The following NXN variants were observed in gnomAD, a reference collection of about 807,000 sequenced individuals.
NXN encodes the protein nucleoredoxin 1.
In NXN, 16 loss-of-function variants were observed where a neutral mutation model predicts 48.6. The observed-to-expected ratio is 0.33, with a 90% CI of 0.22 to 0.50. The LOEUF (loss-of-function observed/expected upper bound fraction) is 0.50, where lower values mean the gene tolerates loss of function less well. NXN is among the 20% of genes least tolerant of loss of function. NXN has a pLI of 0.98. For missense variants in NXN, 492 were observed against 605.5 expected, an observed-to-expected ratio of 0.81 and a Z score of 1.97; for synonymous variants, 281 against 269.6, an observed-to-expected ratio of 1.04 and a Z score of -0.41.
intron 1 of NXN, among the ~76,000 whole-genome samples, chr17:887,515 C>A (rs1442244950): frequency 6.6e-6 from 1 of 152,150 alleles, no homozygotes; most frequent in Non-Finnish European, 1.5e-5. Context: ...CAGGCCTTCA[C>A]TCCCTCCACT....
Position 868,650 on chromosome 17 carries a change from C to A in NXN, c.361-42572G>T, listed in dbSNP as rs371456950. 2.3e-3 allele frequency among the ~76,000 whole-genome samples: 352 copies of A among 152,250 alleles called. 2 individuals are homozygous for A. Among genetic ancestry groups the A allele is most frequent in the African/African-American group, 7.6e-3 (315 of 41,558 alleles). ...GGGACAACAGGCGCCCACCACCACG[C>A]CCGGATCATTTTTTTGTATTTTTAG... On this transcript the variant is annotated intron_variant, in intron 1 of 7. Transcript: ENST00000336868.
At chr17:852,065 C>T (rs1055735307) in intron 1 of NXN, among the ~76,000 whole-genome samples, 1 of 152,230 alleles carries the variant, frequency 6.6e-6, no homozygotes, top group Admixed American at 6.5e-5. Context: ...TCCCTCAGGT[C>T]CTGTGCCAAC....
rs2068493631 is a variant in NXN at position 896,977 on chromosome 17, T to G, written c.361-70899A>C. On this transcript the variant is annotated intron_variant, in intron 1 of 7. Coordinates refer to ENST00000336868, the MANE Select transcript of NXN (RefSeq NM_022463.5). The stretch of plus-strand genomic sequence containing the variant: ...AGGCCTGTTGCAGTGACGCCTCTCC[T>G]AGGAAAGTCCCCGCGGCAGATACAC... 25 of 1,178,478 alleles carry G rather than the reference T, an allele frequency of 2.1e-5. No individual in the cohort carries two copies. In the South Asian group the frequency reaches 2.2e-4, roughly 10 times the overall value. The allele number at this position is 1,178,478 out of a possible 1,614,324, so 73.0% of individuals were successfully genotyped here.
At chr17:945,250 T>C (rs1194779902) in intron 1 of NXN, among the ~76,000 whole-genome samples, 1 of 151,340 alleles carries the variant, frequency 6.6e-6, no homozygotes, top group Non-Finnish European at 1.5e-5. Context: ...CCCGGCTAAT[T>C]TTTGTATTTT....
At chr17:972,334 A>G (rs1018955828) in intron 1 of NXN, among the ~76,000 whole-genome samples, 13 of 148,804 alleles carry the variant, frequency 8.7e-5, no homozygotes, top group Non-Finnish European at 3.0e-5. Flanking sequence ...AAACTTAGCC[A>G]GGCGTGGTGG....
intron 1 of NXN, among the ~76,000 whole-genome samples, chr17:847,814 G>A (rs1324042676): frequency 6.6e-6 from 1 of 152,178 alleles, no homozygotes; most frequent in Non-Finnish European, 1.5e-5. Flanking sequence ...TGAAATTCAA[G>A]ACAGATGTGT....
rs547816547 is a variant in NXN, at chr17:822,604, G to C, written c.613-147C>G. Reference sequence around the variant, plus strand: ...AAAGGGGTGGAAATGAGATGGGTATGGTGGCTACCTGGGAGGCTGAGGTCA... The same window carrying C: ...AAAGGGGTGGAAATGAGATGGGTATCGTGGCTACCTGGGAGGCTGAGGTCA... On this transcript the variant is annotated intron_variant, in intron 3 of 7. Coordinates refer to ENST00000336868, the MANE Select transcript of NXN (RefSeq NM_022463.5). 4 of 609,828 alleles carry C rather than the reference G, an allele frequency of 6.6e-6. No individual in the cohort carries two copies. In the African/African-American group the frequency reaches 7.3e-5, roughly 11 times the overall value. The allele number at this position is 609,828 out of a possible 1,614,324, so 37.8% of individuals were successfully genotyped here.
chr17:954,370 G>C (rs1371011483), intron 1 of NXN, among the ~76,000 whole-genome samples: 2 of 152,150 alleles, frequency 1.3e-5, no homozygotes, highest in Non-Finnish European at 2.9e-5. Context: ...GACAGAGCAA[G>C]ACTCCATCTC....
chr17:836,193 G>A (rs1388565001), intron 1 of NXN, among the ~76,000 whole-genome samples: 5 of 152,134 alleles, frequency 3.3e-5, no homozygotes, highest in Non-Finnish European at 5.9e-5. Context: ...GGTGATTTCC[G>A]AGAAGTCCCA....
At chr17:826,804 G>A (rs1044004136) in intron 1 of NXN, among the ~76,000 whole-genome samples, 13 of 152,222 alleles carry the variant, frequency 8.5e-5, no homozygotes, top group Middle Eastern at 3.4e-3. Context: ...TCTCGGTGCC[G>A]CGTAAAACAC....
At chr17:889,753 AAG>A (rs1428414386) in intron 1 of NXN, among the ~76,000 whole-genome samples, 3,164 of 38,804 alleles carry the variant, frequency 0.082, 51 homozygotes, top group African/African-American at 0.15. Flanking sequence ...GAAAGAAAGA[AAG>A]AAAGAAAAAG....
At chr17:810,865 G>A (rs1236757283) in intron 5 of NXN, among the ~76,000 whole-genome samples, 2 of 152,090 alleles carry the variant, frequency 1.3e-5, no homozygotes, top group Non-Finnish European at 1.5e-5. Flanking sequence ...CTCCAGCCTG[G>A]GCGACAGAGC....
rs969321582 is a variant in NXN, at chr17:819,556, A to G, written c.714-11T>C. ...AAGGACTCCTCCGACCTACAGAGAGACACACGTGGCGGGCAAGGCTCAGTA... is the reference window on the plus strand; with the variant it reads ...AAGGACTCCTCCGACCTACAGAGAGGCACACGTGGCGGGCAAGGCTCAGTA... On this transcript the variant is annotated splice_polypyrimidine_tract_variant and intron_variant, in intron 4 of 7. Transcript: ENST00000336868. 6.4e-7 allele frequency: 1 copy of G among 1,573,010 alleles called. No individual in the cohort carries two copies.
rs1048186625 is a variant in NXN at position 958,555 on chromosome 17, G to A, written c.360+20764C>T. ...TGGGAGGCCGAAGCGGGTGGATCAC[G>A]AGGTCAGGAGTTCGAGACCAGCCTG... On this transcript the variant is annotated intron_variant, in intron 1 of 7. Transcript: ENST00000336868. The surrounding 1 kb of genome is among the most constrained non-coding windows in gnomAD (Gnocchi z 6.9). Among the ~76,000 whole-genome samples the A allele has an allele frequency of 7.2e-5, 11 of 152,170 alleles. No individual in the cohort carries two copies. The highest frequency in any genetic ancestry group is 4.6e-4 in the Admixed American group (7 of 15,256).
In NXN at chr17:803,658, G is replaced by A. The variant is rs1285144654; in HGVS notation, c.1125+24C>T. On this transcript the variant is annotated intron_variant, in intron 7 of 7. Transcript: ENST00000336868. The stretch of plus-strand genomic sequence containing the variant: ...GAAGTCCCAGCTGAGCCAGCCCTGG[G>A]CCAAGCCTCTCCTCCGCACTCACCT... 8 of 1,613,726 alleles carry A rather than the reference G, an allele frequency of 5.0e-6. 1 individual carries two copies. The highest frequency in any genetic ancestry group is 3.3e-5 in the South Asian group (3 of 91,086).
At chr17:961,617 T>C (rs890317877) in intron 1 of NXN, among the ~76,000 whole-genome samples, 3 of 152,200 alleles carry the variant, frequency 2.0e-5, no homozygotes, top group Admixed American at 2.0e-4. Flanking sequence ...ATTCAGATCA[T>C]ATTCTCACTT....
intron 1 of NXN, among the ~76,000 whole-genome samples, chr17:935,450 G>A (rs72812052): frequency 0.27 from 41,185 of 152,006 alleles, 5,954 homozygotes; most frequent in South Asian, 0.36. Context: ...GCTTCCGCTC[G>A]GTCATGGCCG....
rs555138216 is a variant in NXN at position 864,093 on chromosome 17, C to T, written c.361-38015G>A. On this transcript the variant is annotated intron_variant, in intron 1 of 7. Transcript: ENST00000336868. ...GGGGCACAGTTACCGTTGCTCGGTT[C>T]CGGTGAAGGGGCACGTTTACCGTTG... is the stretch of plus-strand genomic sequence containing the variant. 433 of 1,369,076 alleles carry T rather than the reference C, an allele frequency of 3.2e-4. No homozygotes were observed. In the Middle Eastern group the frequency reaches 5.3e-3, roughly 17 times the overall value. The allele number at this position is 1,369,076 out of a possible 1,614,324, so 84.8% of individuals were successfully genotyped here. A position where few individuals can be genotyped will look rare whatever the true frequency, so the allele number is the denominator to read the frequency against.
intron 1 of NXN, among the ~76,000 whole-genome samples, chr17:905,887 G>C (rs1398917332): frequency 6.6e-6 from 1 of 151,696 alleles, no homozygotes; most frequent in Non-Finnish European, 1.5e-5. Context: ...TGGGGTGGGA[G>C]GATCGCTTGA....
Sources: gnomAD v4.1 joint callset for allele counts (sites outside exome capture counted in the v4.1 genomes callset) on GRCh38, gnomAD v4.1.1 for gene constraint, Gnocchi (gnomAD v3.1) non-coding constraint, MANE v1.5 for transcripts, NCBI Gene and HGNC (gene_info 2026-07-23, HGNC 2026-07-21) for gene names.